The following SORBS2 variants were observed in gnomAD, a reference collection of about 807,000 sequenced individuals.
SORBS2 encodes the protein sorbin and SH3 domain containing 2, also known as sorbin and SH3 domain-containing protein 2.
In SORBS2, 46 loss-of-function variants were observed where a neutral mutation model predicts 97.7. The observed-to-expected ratio is 0.47, with a 90% CI of 0.37 to 0.60. The LOEUF is 0.60. Among genes scored for constraint, SORBS2 ranks in the 20% least tolerant of loss-of-function variants. The pLI is 0.00. For synonymous variants in SORBS2, 476 were observed against 473.4 expected, an observed-to-expected ratio of 1.01 and a Z score of -0.07; for missense variants, 1,316 against 1,282.3, an observed-to-expected ratio of 1.03 and a Z score of -0.40.
intron 2 of SORBS2, among the ~76,000 whole-genome samples, chr4:185,737,744 T>C (rs1342984370): frequency 3.3e-5 from 5 of 152,152 alleles, no homozygotes; most frequent in South Asian, 2.1e-4. Flanking sequence ...TGCAAAACCT[T>C]CACGAAGTCA....
At chr4:185,889,544 T>C (rs2099241434) in intron 1 of SORBS2, among the ~76,000 whole-genome samples, 2 of 152,194 alleles carry the variant, frequency 1.3e-5, no homozygotes, top group Admixed American at 1.3e-4. Context: ...GCCTGCATAT[T>C]GGATATCTCT....
chr4:185,833,970 T>C (rs1038617668), intron 1 of SORBS2, among the ~76,000 whole-genome samples: 1 of 152,216 alleles, frequency 6.6e-6, no homozygotes, highest in Non-Finnish European at 1.5e-5. Context: ...CAAAGAGTTC[T>C]AGAATTAACC....
At chr4:185,587,436 C>G (rs2095813390) in exon 15 of SORBS2, 1 of 592,520 alleles carries the variant, frequency 1.7e-6, no homozygotes. Context: ...CGGAGGGGGA[C>G]CAGCCTGCCA....
intron 1 of SORBS2, among the ~76,000 whole-genome samples, chr4:185,865,105 A>G (rs1264736153): frequency 1.3e-5 from 2 of 152,060 alleles, no homozygotes; most frequent in Non-Finnish European, 2.9e-5. Flanking sequence ...TTTCGACATT[A>G]CCATGGGCAT....
intron 2 of SORBS2, 112 bp from the exon 11 acceptor site, chr4:185,651,940 C>T: frequency 1.5e-6 from 1 of 682,002 alleles, no homozygotes; most frequent in Non-Finnish European, 2.6e-6. Flanking sequence ...ACGTATTTTT[C>T]CTAGTTCATA....
intron 1 of SORBS2, among the ~76,000 whole-genome samples, chr4:185,875,162 A>G (rs1225177170): frequency 1.3e-5 from 2 of 152,204 alleles, no homozygotes; most frequent in Non-Finnish European, 2.9e-5. Flanking sequence ...TAAATAAAAT[A>G]GTAAGGAATA....
At chr4:185,935,965 C>T (rs550836909) in intron 1 of SORBS2, among the ~76,000 whole-genome samples, 1 of 152,328 alleles carries the variant, frequency 6.6e-6, no homozygotes, top group South Asian at 2.1e-4. Context: ...GATTCTCCTG[C>T]CTCAGCCTCC....
chr4:185,736,964 G>A (rs1186897502), intron 2 of SORBS2, among the ~76,000 whole-genome samples: 4 of 152,106 alleles, frequency 2.6e-5, no homozygotes, highest in Non-Finnish European at 4.4e-5. Flanking sequence ...TTTCTCCTTC[G>A]AGTTGGCATG....
chr4:185,777,668 T>G (rs1255535999), intron 1 of SORBS2, among the ~76,000 whole-genome samples: 1 of 152,184 alleles, frequency 6.6e-6, no homozygotes, highest in Non-Finnish European at 1.5e-5. Flanking sequence ...CTGCTGTAAG[T>G]GTAAAGCTTT....
intron 1 of SORBS2, among the ~76,000 whole-genome samples, chr4:185,790,694 T>C (rs896846268): frequency 3.3e-5 from 5 of 152,248 alleles, no homozygotes; most frequent in African/African-American, 9.6e-5. Flanking sequence ...AACTTCATTA[T>C]TCATAAACTA....
At chr4:185,760,774 C>T (rs1005081420) in intron 2 of SORBS2, among the ~76,000 whole-genome samples, 1 of 152,200 alleles carries the variant, frequency 6.6e-6, no homozygotes. Flanking sequence ...AACACATTTC[C>T]TTCTCATTAG....
chr4:185,916,583 A>G (rs939574876), intron 1 of SORBS2, among the ~76,000 whole-genome samples: 2 of 152,130 alleles, frequency 1.3e-5, no homozygotes, highest in African/African-American at 4.8e-5. Context: ...AGAGAATTTG[A>G]CGCCCAAGAT....
intron 2 of SORBS2, among the ~76,000 whole-genome samples, chr4:185,732,490 C>T (rs150238250): frequency 2.0e-5 from 3 of 152,276 alleles, no homozygotes; most frequent in African/African-American, 4.8e-5. Flanking sequence ...GGTTATTAGT[C>T]CTCTGGGTTC....
intron 11 of SORBS2, among the ~76,000 whole-genome samples, chr4:185,612,577 C>T (rs1013750763): frequency 1.3e-5 from 2 of 151,396 alleles, no homozygotes; most frequent in Admixed American, 6.6e-5. Flanking sequence ...GCAACCCGCA[C>T]CTCCTGGGTT....
chr4:185,611,864 G>C (rs767368808), exon 12 of SORBS2: 1 of 1,613,908 alleles, frequency 6.2e-7, no homozygotes, highest in Non-Finnish European at 8.5e-7. Context: ...CACCTTTTGT[G>C]TTCTTCTTGA....
chr4:185,635,737 G>A (rs1234757531), intron 4 of SORBS2, among the ~76,000 whole-genome samples: 1 of 152,230 alleles, frequency 6.6e-6, no homozygotes, highest in Non-Finnish European at 1.5e-5. Context: ...CATTAAAGGA[G>A]CAAGTGGATA....
chr4:185,842,663 G>A (rs372652514), intron 1 of SORBS2, among the ~76,000 whole-genome samples: 2 of 152,152 alleles, frequency 1.3e-5, no homozygotes, highest in African/African-American at 4.8e-5. Context: ...TTGGCCGGGT[G>A]CAGTGGCCCA....
chr4:185,635,290 G>T (rs1561556638), intron 4 of SORBS2, 65 bp downstream of exon 16: 2 of 1,155,366 alleles, frequency 1.7e-6, no homozygotes, highest in South Asian at 1.3e-5. Context: ...AAACACAGAT[G>T]TGCAGAATCA....
At position 185,877,867 on chromosome 4, in the gene SORBS2, C is replaced by CAA. The variant is rs1491116547; in HGVS notation, c.-338+78327_-338+78328dup. On this transcript the variant is annotated intron_variant, in intron 1 of 20. Coordinates refer to the SORBS2 transcript ENST00000284776. ...CCTGGGTGACAGAGTGAGACTCTGTCAAAAAACAAAAAAAAAAAAGAAAGA... is the reference window on the plus strand; with the variant it reads ...CCTGGGTGACAGAGTGAGACTCTGTCAAAAAAAACAAAAAAAAAAAAGAAAGA... 9.1e-3 allele frequency among the ~76,000 whole-genome samples: 453 copies of CAA among 50,034 alleles called. 17 individuals carry two copies. Among genetic ancestry groups the CAA allele is most frequent in the African/African-American group, 0.031 (405 of 13,262 alleles). 32.8% of individuals were successfully genotyped at this position (50,034 alleles called of 152,430 possible).
Sources: gnomAD v4.1 joint callset for allele counts (sites outside exome capture counted in the v4.1 genomes callset) on GRCh38, gnomAD v4.1.1 for gene constraint, MANE v1.5 for transcripts, NCBI Gene and HGNC (gene_info 2026-07-23, HGNC 2026-07-21) for gene names.